The following PCDH15 variants were observed in gnomAD, a reference collection of about 807,000 sequenced individuals.
PCDH15 encodes protocadherin-15.
In PCDH15, 129 loss-of-function variants were observed where a neutral mutation model predicts 178.5. The observed-to-expected ratio is 0.72, with a 90% confidence interval of 0.63 to 0.84. PCDH15 has a LOEUF of 0.84. Among genes scored for constraint, PCDH15 ranks in the 40% least tolerant of loss-of-function variants. The pLI is 0.00. For synonymous variants in PCDH15, 800 were observed against 732.0 expected, an observed-to-expected ratio of 1.09 and a Z score of -1.50; for missense variants, 2,230 against 2,099.9, an observed-to-expected ratio of 1.06 and a Z score of -1.21.
intron 26 of PCDH15, among the ~76,000 whole-genome samples, chr10:53,885,443 T>G (rs976343441): frequency 3.9e-5 from 6 of 152,156 alleles, no homozygotes; most frequent in Non-Finnish European, 8.8e-5. Flanking sequence ...CTGGATAAAT[T>G]TATACTGATA....
At chr10:55,470,080 G>T (rs1202321669) in intron 2 of PCDH15, among the ~76,000 whole-genome samples, 1 of 152,078 alleles carries the variant, frequency 6.6e-6, no homozygotes. Context: ...GGTAGATGCA[G>T]TGTCTCATGC....
chr10:54,095,987 A>T (rs1420559882), intron 15 of PCDH15, among the ~76,000 whole-genome samples: 2 of 152,134 alleles, frequency 1.3e-5, no homozygotes, highest in African/African-American at 2.4e-5. Flanking sequence ...ATTATGTATT[A>T]AGCACTTTTA....
chr10:55,595,633 G>A (rs1364519296), intron 2 of PCDH15, among the ~76,000 whole-genome samples: 1 of 152,002 alleles, frequency 6.6e-6, no homozygotes, highest in Non-Finnish European at 1.5e-5. Flanking sequence ...AAGAAATAAT[G>A]GTTGAATTGA....
At chr10:55,451,522 C>A (rs1034703245) in intron 2 of PCDH15, among the ~76,000 whole-genome samples, 4 of 151,728 alleles carry the variant, frequency 2.6e-5, no homozygotes, top group African/African-American at 7.3e-5. Flanking sequence ...AAATAAAAAA[C>A]AAAACAGTTT....
intron 3 of PCDH15, among the ~76,000 whole-genome samples, chr10:54,462,781 C>T (rs1231720557): frequency 2.7e-5 from 4 of 146,420 alleles, no homozygotes; most frequent in Admixed American, 7.0e-5. Context: ...CTGCCCACCT[C>T]GGCCTCCCAA....
intron 3 of PCDH15, among the ~76,000 whole-genome samples, chr10:54,828,669 T>C (rs1197554868): frequency 6.6e-6 from 1 of 152,084 alleles, no homozygotes; most frequent in Non-Finnish European, 1.5e-5. Context: ...TAAATATTTA[T>C]TTTAAGTAGC....
intron 3 of PCDH15, among the ~76,000 whole-genome samples, chr10:54,814,269 A>T (rs1564531962): frequency 6.6e-6 from 1 of 152,192 alleles, no homozygotes; most frequent in Non-Finnish European, 1.5e-5. Flanking sequence ...TATATTCCAG[A>T]ATCTGGCATA....
At chr10:55,390,518 G>A (rs1199549633) in intron 2 of PCDH15, among the ~76,000 whole-genome samples, 1 of 152,126 alleles carries the variant, frequency 6.6e-6, no homozygotes, top group Non-Finnish European at 1.5e-5. Context: ...TCTTCTTAGT[G>A]TTGATATTTT....
rs557928605 is a variant in PCDH15 at position 55,072,364 on chromosome 10, G to T, written c.-80+94212C>A. ...ATAGACCACTAGCAAGACTAATAAA[G>T]AAAAAATGAGAGAAGAATCAAATAG... On this transcript the variant is annotated intron_variant, in intron 2 of 5. Coordinates refer to the PCDH15 transcript ENST00000458638. 1.3e-3 allele frequency among the ~76,000 whole-genome samples: 202 copies of T among 151,936 alleles called. 1 individual carries two copies. Among genetic ancestry groups the T allele is most frequent in the African/African-American group, 4.5e-3 (188 of 41,458 alleles).
At chr10:54,666,229 G>A (rs1472390536) in intron 1 of PCDH15, among the ~76,000 whole-genome samples, 1 of 151,940 alleles carries the variant, frequency 6.6e-6, no homozygotes, top group African/African-American at 2.4e-5. Context: ...CTTAAATACA[G>A]ATTTACTCAA....
chr10:54,104,845 C>CA (rs56195842), intron 15 of PCDH15, among the ~76,000 whole-genome samples: 387 of 48,428 alleles, frequency 8.0e-3, no homozygotes, highest in African/African-American at 0.019. Flanking sequence ...TCAACAACAA[C>CA]AAAAAAAAAA....
intron 2 of PCDH15, among the ~76,000 whole-genome samples, chr10:55,020,144 C>T (rs1378283377): frequency 1.3e-5 from 2 of 149,074 alleles, no homozygotes; most frequent in African/African-American, 4.9e-5. Flanking sequence ...ATAATTTCTT[C>T]TCCTTCCACT....
intron 2 of PCDH15, among the ~76,000 whole-genome samples, chr10:55,082,115 C>T (rs928206674): frequency 3.3e-5 from 5 of 152,126 alleles, no homozygotes; most frequent in African/African-American, 1.2e-4. Context: ...CTAACTGCTG[C>T]AGAATACACA....
In PCDH15 at chr10:54,846,978, G is replaced by A. The variant is rs141684740; in HGVS notation, c.-29+50472C>T. 1.6e-4 allele frequency among the ~76,000 whole-genome samples: 24 copies of A among 152,144 alleles called. No homozygotes were observed. The East Asian group carries it at 2.9e-3, about 18-fold the overall frequency. The stretch of plus-strand genomic sequence containing the variant: ...TTATCACCCATATCATTTATCCTAC[G>A]CCACATCAAAGTTTACTGTTGGAAA... On this transcript the variant is annotated intron_variant, in intron 3 of 5. Transcript: ENST00000458638.
chr10:53,860,079 G>A (rs986070356), intron 27 of PCDH15, among the ~76,000 whole-genome samples: 1 of 152,026 alleles, frequency 6.6e-6, no homozygotes, highest in African/African-American at 2.4e-5. Flanking sequence ...ATCTATACTG[G>A]GTGAATGTGT....
chr10:55,233,635 C>A (rs1358599469), intron 1 of PCDH15, among the ~76,000 whole-genome samples: 2 of 151,894 alleles, frequency 1.3e-5, no homozygotes, highest in Non-Finnish European at 1.5e-5. Flanking sequence ...CAGATTTGTG[C>A]TTTTCTAATC....
At chr10:55,367,832 CTT>C (rs1845404908) in intron 2 of PCDH15, among the ~76,000 whole-genome samples, 1 of 152,034 alleles carries the variant, frequency 6.6e-6, no homozygotes, top group Non-Finnish European at 1.5e-5. Context: ...TTACCTCAGA[CTT>C]TAGTTTTCCT....
intron 2 of PCDH15, among the ~76,000 whole-genome samples, chr10:54,915,058 CA>C: frequency 6.6e-6 from 1 of 152,280 alleles, no homozygotes; most frequent in Middle Eastern, 3.4e-3. Context: ...TTATACAAAA[CA>C]AAACAGTCAT....
intron 26 of PCDH15, among the ~76,000 whole-genome samples, chr10:53,875,336 TA>T (rs2080150891): frequency 6.6e-6 from 1 of 151,658 alleles, no homozygotes; most frequent in Non-Finnish European, 1.5e-5. Context: ...AGTAATGGCA[TA>T]AATAATTCAT....
Sources: gnomAD v4.1 joint callset for allele counts (sites outside exome capture counted in the v4.1 genomes callset) on GRCh38, gnomAD v4.1.1 for gene constraint, MANE v1.5 for transcripts, NCBI Gene and HGNC (gene_info 2026-07-23, HGNC 2026-07-21) for gene names.